Variants in LDLRAD3 observed in about 807,000 individuals in gnomAD.
LDLRAD3 encodes the protein low density lipoprotein receptor class A domain containing 3, also known as low-density lipoprotein receptor class A domain-containing protein 3.
A neutral mutation model predicts 29.4 loss-of-function variants in LDLRAD3; 20 were observed. The observed-to-expected ratio is 0.68, with a 90% confidence interval of 0.48 to 0.99. The LOEUF (loss-of-function observed/expected upper bound fraction) is 0.99, where lower values mean the gene tolerates loss of function less well. Among genes scored for constraint, LDLRAD3 ranks in the 50% least tolerant of loss-of-function variants. LDLRAD3 has a pLI of 0.00. For synonymous variants in LDLRAD3, 157 were observed against 192.7 expected (o/e 0.81, Z 1.53); for missense variants, 420 against 454.3 (o/e 0.92, Z 0.69).
intron 1 of LDLRAD3, among the ~76,000 whole-genome samples, chr11:35,987,174 C>A (rs1451689331): frequency 6.6e-6 from 1 of 152,202 alleles, no homozygotes; most frequent in East Asian, 1.9e-4. Context: ...ATTTGTATAT[C>A]TTGTTATGAC....
At chr11:36,177,043 G>A (rs1401886732) in intron 4 of LDLRAD3, among the ~76,000 whole-genome samples, 1 of 151,772 alleles carries the variant, frequency 6.6e-6, no homozygotes, top group Non-Finnish European at 1.5e-5. Context: ...GTCAGATTGG[G>A]TTAATTTGAA....
At chr11:36,145,204 T>TGG (rs1162996576) in intron 4 of LDLRAD3, among the ~76,000 whole-genome samples, 1 of 40,172 alleles carries the variant, frequency 2.5e-5, no homozygotes, top group Non-Finnish European at 5.3e-5. Context: ...GGGAGGGAGG[T>TGG]GGGGGGGTCA....
intron 4 of LDLRAD3, among the ~76,000 whole-genome samples, chr11:36,122,152 A>G (rs1272455128): frequency 6.6e-6 from 1 of 152,092 alleles, no homozygotes; most frequent in Non-Finnish European, 1.5e-5. Context: ...GCACCTTAGG[A>G]TTTTTACCTG....
intron 2 of LDLRAD3, among the ~76,000 whole-genome samples, chr11:36,067,380 T>C (rs1379342319): frequency 6.6e-6 from 1 of 152,230 alleles, no homozygotes; most frequent in Non-Finnish European, 1.5e-5. Flanking sequence ...TATAATACTA[T>C]ATTTTATAGT....
At chr11:36,086,668 C>G (rs1853201127) in intron 3 of LDLRAD3, among the ~76,000 whole-genome samples, 1 of 152,198 alleles carries the variant, frequency 6.6e-6, no homozygotes, top group Admixed American at 6.5e-5. Flanking sequence ...CTTAGTGTCT[C>G]TGGTTCTTTC....
At chr11:36,029,312 G>C (rs1234304258) in intron 1 of LDLRAD3, among the ~76,000 whole-genome samples, 1 of 152,156 alleles carries the variant, frequency 6.6e-6, no homozygotes, top group Non-Finnish European at 1.5e-5. Flanking sequence ...TGTTTCCGTA[G>C]ATGTCAGGTC....
At chr11:36,105,476 G>A (rs1853515942) in intron 4 of LDLRAD3, among the ~76,000 whole-genome samples, 1 of 152,106 alleles carries the variant, frequency 6.6e-6, no homozygotes, top group African/African-American at 2.4e-5. Context: ...CAGTGCCTCA[G>A]AGTGTGACCT....
chr11:36,178,173 G>A (rs560629471), intron 4 of LDLRAD3, among the ~76,000 whole-genome samples: 1 of 152,180 alleles, frequency 6.6e-6, no homozygotes, highest in East Asian at 1.9e-4. Context: ...TCAGTTTTTT[G>A]ATGCTACCAC....
intron 2 of LDLRAD3, among the ~76,000 whole-genome samples, chr11:36,057,604 C>CT (rs1852640292): frequency 6.6e-6 from 1 of 152,216 alleles, no homozygotes; most frequent in Non-Finnish European, 1.5e-5. Context: ...GTACTGGACA[C>CT]TGCAGACTGC....
chr11:35,959,394 A>G lies in LDLRAD3; in HGVS notation c.46+15250A>G, dbSNP rs145489206. Among the ~76,000 whole-genome samples the G allele has an allele frequency of 4.8e-3, 724 of 152,296 alleles. 4 individuals are homozygous for G. Among genetic ancestry groups the G allele is most frequent in the Non-Finnish European group, 7.9e-3 (536 of 68,020 alleles). On this transcript the variant is annotated intron_variant, in intron 1 of 5. Coordinates refer to ENST00000315571, the MANE Select transcript of LDLRAD3 (RefSeq NM_174902.4). Reference sequence around the variant, plus strand: ...CTTGTATTTGTTCGTGTAGAACTTAACACACAGTATTGCAGTTTATTTATG... The same window carrying G: ...CTTGTATTTGTTCGTGTAGAACTTAGCACACAGTATTGCAGTTTATTTATG...
In LDLRAD3 at chr11:35,956,860, T is replaced by C. The variant is rs575113610; in HGVS notation, c.46+12716T>C. ...ACACCATTCTCCTGCCTCAGCCTCC[T>C]GAGTAGCTGGGACTACAGGCGCCCG... On this transcript the variant is annotated intron_variant, in intron 1 of 5. Coordinates refer to ENST00000315571, the MANE Select transcript of LDLRAD3 (RefSeq NM_174902.4). Among the ~76,000 whole-genome samples the C allele has an allele frequency of 7.2e-5, 11 of 152,098 alleles. 2 individuals are homozygous for C. In the South Asian group the frequency reaches 1.0e-3, roughly 14 times the overall value.
intron 4 of LDLRAD3, among the ~76,000 whole-genome samples, chr11:36,138,453 G>T (rs1854033985): frequency 6.6e-6 from 1 of 152,178 alleles, no homozygotes; most frequent in South Asian, 2.1e-4. Flanking sequence ...CAAACATATT[G>T]GTGGAGGTGG....
In LDLRAD3 at chr11:35,986,205, TTATCTC is replaced by T. The variant is rs1312575199; in HGVS notation, c.46+42064_46+42069del. On this transcript the variant is annotated intron_variant, in intron 1 of 5. Transcript: ENST00000315571. ...GGGATTGCAACTGGACAGTGGCTGA[TTATCTC>T]TAGGAAGAGGCTGAATTCTGAAAAC... Among the ~76,000 whole-genome samples, 6 of 152,306 alleles carry T rather than the reference TTATCTC, an allele frequency of 3.9e-5. No homozygotes were observed. In the South Asian group the frequency reaches 8.3e-4, roughly 21 times the overall value.
intron 2 of LDLRAD3, among the ~76,000 whole-genome samples, chr11:36,075,625 G>A (rs1852985822): frequency 6.6e-6 from 1 of 152,048 alleles, no homozygotes; most frequent in African/African-American, 2.4e-5. Flanking sequence ...GCCAGATCTT[G>A]CCTGTAACAG....
chr11:36,072,500 C>A (rs1392065), intron 2 of LDLRAD3, among the ~76,000 whole-genome samples: 126,005 of 152,186 alleles, frequency 0.83, 52,472 homozygotes, highest in East Asian at 0.97. Flanking sequence ...AAGGCCTGGA[C>A]AGTTCTGCTC....
At chr11:36,055,386 A>G (rs528240055) in intron 2 of LDLRAD3, among the ~76,000 whole-genome samples, 15 of 152,126 alleles carry the variant, frequency 9.9e-5, no homozygotes, top group African/African-American at 3.1e-4. Context: ...ATAGATGCCT[A>G]TTATCATCAG....
At chr11:35,977,731 C>T (rs962691905) in intron 1 of LDLRAD3, among the ~76,000 whole-genome samples, 1 of 152,132 alleles carries the variant, frequency 6.6e-6, no homozygotes, top group Non-Finnish European at 1.5e-5. Flanking sequence ...AAGATCAAGT[C>T]ACCAGCAGAT....
chr11:36,080,044 GC>G (rs1853086806), intron 2 of LDLRAD3, among the ~76,000 whole-genome samples: 1 of 152,198 alleles, frequency 6.6e-6, no homozygotes, highest in Non-Finnish European at 1.5e-5. Context: ...AACATTTCAG[GC>G]CTTAAAACCC....
chr11:35,985,462 T>C (rs1851603097), intron 1 of LDLRAD3, among the ~76,000 whole-genome samples: 1 of 152,184 alleles, frequency 6.6e-6, no homozygotes. Flanking sequence ...GCTGAAACTC[T>C]GCCCTGGAGC....
Sources: allele counts gnomAD v4.1 joint callset (sites outside exome capture counted in the v4.1 genomes callset), GRCh38; gene constraint gnomAD v4.1.1; transcripts MANE v1.5; gene names NCBI Gene and HGNC (gene_info 2026-07-23, HGNC 2026-07-21).